The following CTNND2 variants were observed in gnomAD, a reference collection of about 807,000 sequenced individuals.
CTNND2 encodes the protein catenin delta-2.
In CTNND2, 22 loss-of-function variants were observed where a neutral mutation model predicts 144.4. The observed-to-expected ratio is 0.15, with a 90% confidence interval of 0.11 to 0.22. The LOEUF is 0.22. Ranked by LOEUF, CTNND2 falls within the 10% of genes least tolerant of loss-of-function variation. The pLI is 1.00. For synonymous variants in CTNND2, 751 were observed against 695.6 expected, an observed-to-expected ratio of 1.08 and a Z score of -1.25; for missense variants, 1,353 against 1,618.8, an observed-to-expected ratio of 0.84 and a Z score of 2.82.
chr5:11,732,323 G>A, intron 1 of CTNND2, 51 bp from the exon 2 acceptor site: 1 of 1,562,124 alleles, frequency 6.4e-7, no homozygotes, highest in South Asian at 1.2e-5. Context: ...ACACTAAACA[G>A]GTACAACTAT....
At chr5:11,853,123 C>T (rs1346130156) in intron 1 of CTNND2, among the ~76,000 whole-genome samples, 1 of 152,170 alleles carries the variant, frequency 6.6e-6, no homozygotes, top group Admixed American at 6.6e-5. Context: ...CTCACCAGGT[C>T]TCTTGTGCTA....
At chr5:11,715,047 A>T (rs1378186899) in intron 2 of CTNND2, among the ~76,000 whole-genome samples, 1 of 152,172 alleles carries the variant, frequency 6.6e-6, no homozygotes, top group Non-Finnish European at 1.5e-5. Context: ...AAAATAAAAT[A>T]CCTTAAGATT....
At chr5:11,742,025 T>C (rs990787721) in intron 1 of CTNND2, among the ~76,000 whole-genome samples, 1 of 150,920 alleles carries the variant, frequency 6.6e-6, no homozygotes, top group Non-Finnish European at 1.5e-5. Context: ...ATAATAATAA[T>C]ACAATGGACT....
chr5:11,328,225 A>G (rs974488981), intron 9 of CTNND2, among the ~76,000 whole-genome samples: 5 of 152,064 alleles, frequency 3.3e-5, no homozygotes, highest in Admixed American at 3.3e-4. Context: ...AACCTTTCAA[A>G]TTTAGAGCAG....
intron 3 of CTNND2, among the ~76,000 whole-genome samples, chr5:11,480,852 G>T (rs1768184214): frequency 6.6e-6 from 1 of 152,136 alleles, no homozygotes; most frequent in African/African-American, 2.4e-5. Context: ...GAACCATCTT[G>T]TGTTGTTTCT....
At chr5:11,023,335 A>G (rs1742488853) in intron 16 of CTNND2, among the ~76,000 whole-genome samples, 1 of 152,242 alleles carries the variant, frequency 6.6e-6, no homozygotes, top group Non-Finnish European at 1.5e-5. Context: ...ATGGAAATGA[A>G]CAAGGACACA....
intron 9 of CTNND2, among the ~76,000 whole-genome samples, chr5:11,324,820 T>C (rs1036977038): frequency 6.6e-6 from 1 of 152,238 alleles, no homozygotes. Flanking sequence ...ATTTGCTGTG[T>C]ATTAATTGAA....
Position 11,248,927 on chromosome 5 carries a change from C to A in CTNND2, c.1629-12104G>T, listed in dbSNP as rs574439264. On this transcript the variant is annotated intron_variant, in intron 9 of 21. Coordinates refer to ENST00000304623, the MANE Select transcript of CTNND2 (RefSeq NM_001332.4). ...ATCTTAGTTCTTCGAAGAATGCCAA[C>A]TTAATTTATCTCAGATAATATTGAG... 5.3e-5 allele frequency among the ~76,000 whole-genome samples: 8 copies of A among 152,322 alleles called. No homozygotes were observed. The East Asian group carries it at 1.5e-3, about 29-fold the overall frequency.
At chr5:11,744,037 C>T (rs1007007537) in intron 1 of CTNND2, among the ~76,000 whole-genome samples, 2 of 152,128 alleles carry the variant, frequency 1.3e-5, no homozygotes, top group Non-Finnish European at 1.5e-5. Flanking sequence ...GAACGGTGCT[C>T]CTCATACAGG....
intron 1 of CTNND2, among the ~76,000 whole-genome samples, chr5:11,816,048 C>T (rs1161951828): frequency 6.6e-6 from 1 of 152,154 alleles, no homozygotes; most frequent in Non-Finnish European, 1.5e-5. Flanking sequence ...CAGCACAGAA[C>T]ACAGTTGGAG....
At chr5:11,863,880 A>G (rs1306285522) in intron 1 of CTNND2, among the ~76,000 whole-genome samples, 1 of 152,228 alleles carries the variant, frequency 6.6e-6, no homozygotes. Context: ...TCTCTACAAA[A>G]TAGATATAAT....
chr5:11,345,988 T>A, intron 9 of CTNND2, among the ~76,000 whole-genome samples: 1 of 152,158 alleles, frequency 6.6e-6, no homozygotes, highest in East Asian at 1.9e-4. Flanking sequence ...ATCTGATAAA[T>A]AGAAATACGC....
At chr5:11,069,885 A>G (rs1748061576) in intron 16 of CTNND2, among the ~76,000 whole-genome samples, 1 of 152,206 alleles carries the variant, frequency 6.6e-6, no homozygotes, top group African/African-American at 2.4e-5. Context: ...AACTGAATTT[A>G]ACTGGGCTGC....
intron 3 of CTNND2, among the ~76,000 whole-genome samples, chr5:11,564,316 C>G (rs1776906360): frequency 6.6e-6 from 1 of 152,170 alleles, no homozygotes; most frequent in African/African-American, 2.4e-5. Flanking sequence ...TGCACACATA[C>G]ACTTACATTT....
intron 6 of CTNND2, among the ~76,000 whole-genome samples, chr5:11,387,051 T>C (rs1759154797): frequency 6.6e-6 from 1 of 152,008 alleles, no homozygotes; most frequent in Non-Finnish European, 1.5e-5. Context: ...TCTCCAAGGG[T>C]GCTTTTAAAA....
At chr5:11,822,944 T>C (rs185988204) in intron 1 of CTNND2, among the ~76,000 whole-genome samples, 2 of 152,102 alleles carry the variant, frequency 1.3e-5, no homozygotes, top group South Asian at 2.1e-4. Flanking sequence ...CATAAGATAA[T>C]AAATGTATGT....
At chr5:11,743,890 T>C (rs1788160046) in intron 1 of CTNND2, among the ~76,000 whole-genome samples, 1 of 152,188 alleles carries the variant, frequency 6.6e-6, no homozygotes, top group Non-Finnish European at 1.5e-5. Flanking sequence ...TTGCATGAGC[T>C]ATTCATCATT....
At chr5:11,858,309 C>T (rs1343451189) in intron 1 of CTNND2, among the ~76,000 whole-genome samples, 1 of 152,060 alleles carries the variant, frequency 6.6e-6, no homozygotes, top group Non-Finnish European at 1.5e-5. Flanking sequence ...TATACATGCA[C>T]ACAAAGAAAC....
intron 2 of CTNND2, among the ~76,000 whole-genome samples, chr5:11,710,110 A>T (rs1489829095): frequency 6.6e-6 from 1 of 152,130 alleles, no homozygotes; most frequent in Non-Finnish European, 1.5e-5. Context: ...GTTAGAGATG[A>T]CTATGCATCC....
Sources: gnomAD v4.1 joint callset for allele counts (sites outside exome capture counted in the v4.1 genomes callset) on GRCh38, gnomAD v4.1.1 for gene constraint, MANE v1.5 for transcripts, NCBI Gene and HGNC (gene_info 2026-07-23, HGNC 2026-07-21) for gene names.